PKP1: variants seen among roughly 807,000 people sequenced by gnomAD.
PKP1 encodes plakophilin-1.
A neutral mutation model predicts 76.4 loss-of-function variants in PKP1; 27 were observed. The ratio of observed to expected loss-of-function variants is 0.35; its 90% CI spans 0.26 to 0.49. The LOEUF is 0.49. Among genes scored for constraint, PKP1 ranks in the 20% least tolerant of loss-of-function variants. The probability of loss-of-function intolerance (pLI) is 0.99; values close to 1 mark genes in which losing one functional copy is unlikely to be tolerated. For synonymous variants in PKP1, 404 were observed against 384.2 expected (o/e 1.05, Z -0.60); for missense variants, 964 against 955.2 (o/e 1.01, Z -0.12).
chr1:201,295,887 G>GA (rs11432933), intron 2 of PKP1, among the ~76,000 whole-genome samples: 33,304 of 150,708 alleles, frequency 0.22, 4,082 homozygotes, highest in Middle Eastern at 0.35. Flanking sequence ...TGTTTCTAAA[G>GA]AAAAAAAAAA....
At chr1:201,313,603 G>A (rs756087716) in intron 3 of PKP1, 43 bp downstream of exon 3, 1 of 1,592,532 alleles carries the variant, frequency 6.3e-7, no homozygotes, top group Admixed American at 1.7e-5. Flanking sequence ...GAGGGCCAGT[G>A]GGGAGACACA....
chr1:201,324,564 T>C lies in PKP1; in HGVS notation c.1817T>C (p.Leu606Pro). 1 of 1,614,170 alleles carries C rather than the reference T, an allele frequency of 6.2e-7. No homozygotes were observed. The highest frequency in any genetic ancestry group is 8.5e-7 in the Non-Finnish European group (1 of 1,180,004). ...CTGAGCAACATGTCCCGCCACCCTCTGCTGCACAGAGTGATGGGTAAGGTC... is the reference window on the plus strand; with the variant it reads ...CTGAGCAACATGTCCCGCCACCCTCCGCTGCACAGAGTGATGGGTAAGGTC... ...SLLSNMSRHP[L>P]LHRVMGNQVF... Residue 606 changes from leucine to proline, a missense_variant, in exon 10 of 14, where the codon CTG (leucine) becomes CCG (proline). By Grantham distance (98) the Leu-to-Pro change is moderately conservative. Coordinates refer to ENST00000367324, the MANE Select transcript of PKP1 (RefSeq NM_001005337.3).
intron 10 of PKP1, 146 bp downstream of exon 10, chr1:201,324,727 G>A (rs569502338): frequency 7.0e-6 from 8 of 1,141,922 alleles, no homozygotes; most frequent in South Asian, 1.3e-5. Flanking sequence ...ATGGAGACAG[G>A]AGAAGGGAGC....
chr1:201,319,389 A>C (rs568549944), intron 6 of PKP1, among the ~76,000 whole-genome samples: 1 of 152,202 alleles, frequency 6.6e-6, no homozygotes, highest in Non-Finnish European at 1.5e-5. Context: ...ACCCTGGAGC[A>C]GGATCCCTTT....
chr1:201,323,277 T>C (rs1657005282), intron 9 of PKP1, 88 bp downstream of exon 9: 1 of 1,305,406 alleles, frequency 7.7e-7, no homozygotes, highest in Admixed American at 1.7e-5. Flanking sequence ...CCCCAGCCTG[T>C]CCCCTGACTT....
At chr1:201,325,602 C>A (rs1172136515) in intron 11 of PKP1, 152 bp from the exon 12 acceptor site, 2 of 694,938 alleles carry the variant, frequency 2.9e-6, no homozygotes, top group East Asian at 2.8e-5. Flanking sequence ...GCTCACCACA[C>A]CCCAATGGGG....
chr1:201,290,157 G>C (rs1389366889), intron 1 of PKP1, among the ~76,000 whole-genome samples: 1 of 152,188 alleles, frequency 6.6e-6, no homozygotes, highest in Non-Finnish European at 1.5e-5. Context: ...CTGGTGACCT[G>C]AGCGGTAGAT....
At position 201,316,584 on chromosome 1, in the gene PKP1, C is replaced by T. The variant is rs7514146; in HGVS notation, c.733C>T (p.Leu245=). The change falls in exon 4 of 14, where the codon CTG becomes TTG. Residue 245 remains leucine, a synonymous_variant. Transcript: ENST00000367324. ...CAGTGAGGACATCGAGTGCAGTGGGCTGACCATCCCCAAGGCTGTGCAGTA... is the reference window on the plus strand; with the variant it reads ...CAGTGAGGACATCGAGTGCAGTGGGTTGACCATCCCCAAGGCTGTGCAGTA... ...ICSEDIECSG[L]TIPKAVQYLS... The T allele has an allele frequency of 0.1, 162,931 of 1,610,546 alleles. 10,283 individuals are homozygous for T. Among genetic ancestry groups the T allele is most frequent in the African/African-American group, 0.28 (20,864 of 74,932 alleles).
chr1:201,312,664 C>T (rs567537010), intron 2 of PKP1, among the ~76,000 whole-genome samples: 13 of 152,326 alleles, frequency 8.5e-5, no homozygotes, highest in African/African-American at 2.9e-4. Context: ...CCATCCTCCT[C>T]CACTTTTCTG....
chr1:201,308,226 C>T (rs1220187077), intron 2 of PKP1, among the ~76,000 whole-genome samples: 2 of 152,224 alleles, frequency 1.3e-5, no homozygotes, highest in East Asian at 1.9e-4. Context: ...CTGCCTAGAA[C>T]GGCCCTACCT....
At chr1:201,285,733 TA>T (rs1655713870) in intron 1 of PKP1, among the ~76,000 whole-genome samples, 1 of 152,238 alleles carries the variant, frequency 6.6e-6, no homozygotes, top group South Asian at 2.1e-4. Context: ...TTTTTCCTCC[TA>T]CCTATCGGGA....
intron 2 of PKP1, among the ~76,000 whole-genome samples, chr1:201,307,515 G>A (rs1656406286): frequency 6.6e-6 from 1 of 152,178 alleles, no homozygotes. Context: ...CTGGAGCCCT[G>A]TGTGCCCCAT....
rs533262328 is a variant in PKP1, at chr1:201,332,018, A to G, written c.*1977A>G. 5 of 152,394 alleles carry G rather than the reference A, an allele frequency of 3.3e-5. No homozygotes were observed. Among genetic ancestry groups the G allele is most frequent in the African/African-American group, 1.2e-4 (5 of 41,570 alleles). The allele number at this position is 152,394 out of a possible 1,614,324, so 9.4% of individuals were successfully genotyped here. A position where few individuals can be genotyped will look rare whatever the true frequency, so the allele number is the denominator to read the frequency against. On this transcript the variant is annotated 3_prime_UTR_variant, in exon 14 of 14. Coordinates refer to ENST00000367324, the MANE Select transcript of PKP1 (RefSeq NM_001005337.3). ...GTGCGGGGCAGTGTCCTAAGCACTT[A>G]GACTACATCAGGGAAGAACACAGAC...
chr1:201,291,205 G>T (rs548184623), intron 1 of PKP1, among the ~76,000 whole-genome samples: 1 of 152,258 alleles, frequency 6.6e-6, no homozygotes, highest in East Asian at 1.9e-4. Flanking sequence ...GTGCAGGCAG[G>T]TGTGATGTTA....
intron 1 of PKP1, among the ~76,000 whole-genome samples, chr1:201,286,869 G>A (rs555043875): frequency 6.6e-6 from 1 of 152,244 alleles, no homozygotes; most frequent in South Asian, 2.1e-4. Context: ...CCTGAGGATG[G>A]GGAAGGAAAC....
At chr1:201,322,976 T>TCC in intron 8 of PKP1, 37 bp from the exon 9 acceptor site, 1 of 1,605,060 alleles carries the variant, frequency 6.2e-7, no homozygotes, top group Non-Finnish European at 8.5e-7. Flanking sequence ...CTCACAAGGC[T>TCC]CCCCATTGAC....
intron 1 of PKP1, among the ~76,000 whole-genome samples, chr1:201,292,706 C>T (rs1420426421): frequency 6.6e-6 from 1 of 152,214 alleles, no homozygotes; most frequent in African/African-American, 2.4e-5. Context: ...CTCTTCCCCA[C>T]AGACAGGGTT....
chr1:201,288,515 A>G (rs974454245), intron 1 of PKP1, among the ~76,000 whole-genome samples: 12 of 152,222 alleles, frequency 7.9e-5, no homozygotes, highest in African/African-American at 2.9e-4. Context: ...AGAAACTCCC[A>G]GGTGATTCTC....
At chr1:201,283,999 A>T in intron 1 of PKP1, 95 bp downstream of exon 1, 4 of 1,089,034 alleles carry the variant, frequency 3.7e-6, no homozygotes, top group Non-Finnish European at 4.1e-6. Flanking sequence ...CCCGGGGATG[A>T]GGGGAGGCGA....
Sources: gnomAD v4.1 joint callset for allele counts (sites outside exome capture counted in the v4.1 genomes callset) on GRCh38, gnomAD v4.1.1 for gene constraint, MANE v1.5 for transcripts, NCBI Gene and HGNC (gene_info 2026-07-23, HGNC 2026-07-21) for gene names.